POLD1: variants seen among roughly 807,000 people sequenced by gnomAD.
POLD1 encodes the protein DNA polymerase delta 1, catalytic subunit.
POLD1 carries 79 observed loss-of-function variants against 129.7 expected under a neutral mutation model. The ratio of observed to expected loss-of-function variants is 0.61; its 90% CI spans 0.51 to 0.73. The LOEUF (loss-of-function observed/expected upper bound fraction) is 0.73, where lower values mean the gene tolerates loss of function less well. POLD1 is among the 30% of genes least tolerant of loss of function. POLD1 has a pLI of 0.00. For synonymous variants in POLD1, 714 were observed against 683.3 expected, an observed-to-expected ratio of 1.04 and a Z score of -0.70; for missense variants, 1,338 against 1,595.8, an observed-to-expected ratio of 0.84 and a Z score of 2.75.
Position 50,416,504 on chromosome 19 carries a change from G to A in POLD1, c.2929G>A (p.Gly977Ser), listed in dbSNP as rs1064794933. Residue 977 changes from glycine to serine, a missense_variant, in exon 23 of 27, where the codon GGC (glycine) becomes AGC (serine). Around this residue, in one of 3 missense-constraint regions of POLD1, gnomAD observed 286 missense variants for 277.5 expected, o/e 1.03. Coordinates refer to ENST00000440232, the MANE Select transcript of POLD1 (RefSeq NM_002691.4). ...LRIFEPILGE[G>S]RAEAVLLRGD... ...CATCTTCGAGCCCATCCTGGGCGAGGGCCGTGCCGAGGCTGTGCTACTGCG... is the reference window on the plus strand; with the variant it reads ...CATCTTCGAGCCCATCCTGGGCGAGAGCCGTGCCGAGGCTGTGCTACTGCG... 6.4e-7 allele frequency: 1 copy of A among 1,552,514 alleles called. No homozygotes were observed. Among genetic ancestry groups the A allele is most frequent in the Non-Finnish European group, 8.7e-7 (1 of 1,149,224 alleles).
At chr19:50,388,975 G>T (rs1298225966) in intron 1 of POLD1, among the ~76,000 whole-genome samples, 1 of 151,584 alleles carries the variant, frequency 6.6e-6, no homozygotes, top group Non-Finnish European at 1.5e-5. Flanking sequence ...TGGGACTATA[G>T]GCGCGCACCA....
rs1244565898 is a variant in POLD1 at position 50,415,460 on chromosome 19, C to T, written c.2587C>T (p.His863Tyr). 1.9e-6 allele frequency: 3 copies of T among 1,612,840 alleles called. No homozygotes were observed. Among genetic ancestry groups the T allele is most frequent in the African/African-American group, 2.7e-5 (2 of 74,920 alleles). The change falls in exon 21 of 27, where the codon CAC becomes TAC. Residue 863 changes from histidine to tyrosine, a missense_variant. Around this residue, in one of 3 missense-constraint regions of POLD1, gnomAD observed 720 missense variants for 1,002.6 expected, o/e 0.72. Coordinates refer to ENST00000440232, the MANE Select transcript of POLD1 (RefSeq NM_002691.4). Reference sequence around the variant, plus strand: ...CAGAGACCCTGAGGGCGCGGTGGCTCACGCACAGGACGTCATCTCGGACCT... The same window carrying T: ...CAGAGACCCTGAGGGCGCGGTGGCTTACGCACAGGACGTCATCTCGGACCT... Reference protein sequence around the residue: ...IDRDPEGAVAHAQDVISDLLC... With the variant: ...IDRDPEGAVAYAQDVISDLLC...
At chr19:50,402,971 CG>C in intron 8 of POLD1, 81 bp from the exon 9 acceptor site, 2 of 1,507,184 alleles carry the variant, frequency 1.3e-6, no homozygotes, top group South Asian at 2.4e-5. Context: ...GGGACAGCCC[CG>C]GGGAGATGGC....
rs376289049 is a variant in POLD1 at position 50,409,686 on chromosome 19, G to T, written c.2154+20G>T. The T allele has an allele frequency of 2.0e-5, 32 of 1,583,714 alleles. No homozygotes were observed. Among genetic ancestry groups the T allele is most frequent in the Non-Finnish European group, 2.7e-5 (31 of 1,162,100 alleles). On this transcript the variant is annotated intron_variant, in intron 17 of 26. Coordinates refer to ENST00000440232, the MANE Select transcript of POLD1 (RefSeq NM_002691.4). This position sits in a 1 kb window ranked among gnomAD's most constrained non-coding sequence, Gnocchi z 5.8. The stretch of plus-strand genomic sequence containing the variant: ...TCACAGGTGGGCACTCGGGCCCCTG[G>T]AAGGCAACTGGGGGCAGGTGGGCCC...
Position 50,403,628 on chromosome 19 carries a change from C to T in POLD1, c.1242+31C>T, listed in dbSNP as rs760998589. On this transcript the variant is annotated intron_variant, in intron 10 of 26. Transcript: ENST00000440232. Reference sequence around the variant, plus strand: ...GGCTGGGCAGGTGGGAGGCTTCTCTCAGATGCCCCAGGTGTGGCCTCCGGG... The same window carrying T: ...GGCTGGGCAGGTGGGAGGCTTCTCTTAGATGCCCCAGGTGTGGCCTCCGGG... The T allele has an allele frequency of 2.4e-5, 34 of 1,414,156 alleles. No individual in the cohort carries two copies. The South Asian group carries it at 2.8e-4, about 11-fold the overall frequency. 87.6% of individuals were successfully genotyped at this position (1,414,156 alleles called of 1,614,324 possible).
intron 17 of POLD1, among the ~76,000 whole-genome samples, chr19:50,411,257 G>A (rs897287136): frequency 6.6e-6 from 1 of 152,160 alleles, no homozygotes; most frequent in Non-Finnish European, 1.5e-5. Flanking sequence ...AAAGTGAATC[G>A]CTCACTGCAT....
At chr19:50,413,933 G>A (rs2122453790) in intron 19 of POLD1, 54 bp downstream of exon 19, 1 of 1,510,392 alleles carries the variant, frequency 6.6e-7, no homozygotes. Flanking sequence ...AGGGTACTCA[G>A]GGTGTCCCGT....
chr19:50,386,834 A>T (rs1164555279), intron 1 of POLD1, among the ~76,000 whole-genome samples: 2 of 152,206 alleles, frequency 1.3e-5, no homozygotes, highest in African/African-American at 4.8e-5. Flanking sequence ...GGCCTAGGGG[A>T]AGGACAAGGC....
rs201208120 is a variant in POLD1 at position 50,407,114 on chromosome 19, C to T, written c.1626C>T (p.Pro542=). Residue 542 remains proline (P), a synonymous_variant, in exon 13 of 27, where the codon CCC becomes CCT. Coordinates refer to ENST00000440232, the MANE Select transcript of POLD1 (RefSeq NM_002691.4). ...AGATGGCGAGGGTCACTGGCGTGCC[C>T]CTCAGCTACCTGCTCAGTCGTGGCC... ...AVEMARVTGV[P]LSYLLSRGQQ... The T allele has an allele frequency of 8.8e-5, 142 of 1,613,570 alleles. No individual in the cohort carries two copies. The highest frequency in any genetic ancestry group is 1.1e-4 in the Non-Finnish European group (127 of 1,179,976).
intron 26 of POLD1, 71 bp from the exon 27 acceptor site, chr19:50,417,771 C>T (rs2039384370): frequency 1.1e-6 from 1 of 947,110 alleles, no homozygotes; most frequent in East Asian, 2.6e-5. Context: ...CTGGGAACAG[C>T]CCCCACCCCT....
chr19:50,416,875 G>GTCC, intron 24 of POLD1, 152 bp downstream of exon 24: 1 of 959,748 alleles, frequency 1.0e-6, no homozygotes, highest in Middle Eastern at 3.3e-4. Flanking sequence ...CCCACAGAGG[G>GTCC]TCCTCGGCCC....
intron 25 of POLD1, 26 bp downstream of exon 25, chr19:50,417,123 GGCCAGGTGGGGAGGC>G: frequency 6.4e-7 from 1 of 1,569,828 alleles, no homozygotes; most frequent in South Asian, 1.2e-5. Flanking sequence ...GGTGAGGAGG[GGCCAGGTGGGGAGGC>G]GGGGGCGCCC....
chr19:50,415,423 C>G lies in POLD1; in HGVS notation c.2565-15C>G, dbSNP rs777857423. ...AGTGCCTTTTGGTGACGCTGTGCGG[C>G]CCGCTCTCCTACAGAGACCCTGAGG... On this transcript the variant is annotated splice_polypyrimidine_tract_variant and intron_variant, in intron 20 of 26. Transcript: ENST00000440232. 1 of 1,604,740 alleles carries G rather than the reference C, an allele frequency of 6.2e-7. No individual in the cohort carries two copies. The highest frequency in any genetic ancestry group is 8.5e-7 in the Non-Finnish European group (1 of 1,174,062).
chr19:50,401,284 A>C (rs1428083940), intron 3 of POLD1, among the ~76,000 whole-genome samples: 1 of 144,094 alleles, frequency 6.9e-6, no homozygotes, highest in Non-Finnish European at 1.5e-5. Flanking sequence ...TTTATGTATA[A>C]CATATATTAT....
At position 50,401,823 on chromosome 19, in the gene POLD1, C is replaced by G; in HGVS notation, c.362C>G (p.Ser121Cys). 1 of 1,613,750 alleles carries G rather than the reference C, an allele frequency of 6.2e-7. No homozygotes were observed. The highest frequency in any genetic ancestry group is 8.5e-7 in the Non-Finnish European group (1 of 1,179,902). Residue 121 changes from serine to cysteine, a missense_variant, in exon 4 of 27, where the codon TCC becomes TGC. By Grantham distance (112) the Ser-to-Cys change is moderately radical. This residue lies in a region of POLD1 where 332 missense variants were observed against 315.7 expected (regional missense o/e 1.05). Coordinates refer to ENST00000440232, the MANE Select transcript of POLD1 (RefSeq NM_002691.4). ...GGGGGGCCCCCACCATCCCGCGGCTCCGTGCCTGTGCTCCGCGCCTTCGGG... is the reference window on the plus strand; with the variant it reads ...GGGGGGCCCCCACCATCCCGCGGCTGCGTGCCTGTGCTCCGCGCCTTCGGG... ...VPGGPPPSRG[S>C]VPVLRAFGVT...
chr19:50,402,268 G>A lies in POLD1; in HGVS notation c.653G>A (p.Arg218His), dbSNP rs150010804. The change falls in exon 6 of 27, where the codon CGC (arginine) becomes CAC (histidine). Residue 218 changes from arginine (R) to histidine (H), a missense_variant. Arg to His is a conservative substitution (Grantham distance 29). This residue lies in a region of POLD1 where 332 missense variants were observed against 315.7 expected (regional missense o/e 1.05). Transcript: ENST00000440232. ...CTGCGCATCACCGTGGCGCTGCCGC[G>A]CCTCGTGGCCCCGGCCCGCCGTCTC... ...PFLRITVALP[R>H]LVAPARRLLE... The A allele has an allele frequency of 4.9e-4, 782 of 1,604,992 alleles. 2 individuals are homozygous for A. The highest frequency in any genetic ancestry group is 4.6e-4 in the Non-Finnish European group (545 of 1,174,744).
At position 50,409,709 on chromosome 19, in the gene POLD1, C is replaced by T. The variant is rs1601228406; in HGVS notation, c.2154+43C>T. The T allele has an allele frequency of 1.3e-6, 2 of 1,562,116 alleles. No homozygotes were observed. Among genetic ancestry groups the T allele is most frequent in the African/African-American group, 2.7e-5 (2 of 73,720 alleles). ...TGGAAGGCAACTGGGGGCAGGTGGG[C>T]CCCCTGTGTAGGAGACCAGGGCTCC... On this transcript the variant is annotated intron_variant, in intron 17 of 26. Transcript: ENST00000440232. The surrounding 1 kb of genome is among the most constrained non-coding windows in gnomAD (Gnocchi z 5.8).
intron 3 of POLD1, among the ~76,000 whole-genome samples, chr19:50,401,391 A>ATTTTTTTTTTTT (rs1203165864): frequency 9.1e-5 from 6 of 65,990 alleles, no homozygotes; most frequent in Non-Finnish European, 1.3e-4. Context: ...ATATATATAT[A>ATTTTTTTTTTTT]TTTTTTTTTT....
Position 50,407,317 on chromosome 19 carries a change from C to T in POLD1, c.1687-10C>T, listed in dbSNP as rs1555791489. On this transcript the variant is annotated splice_polypyrimidine_tract_variant and intron_variant, in intron 13 of 26. Coordinates refer to ENST00000440232, the MANE Select transcript of POLD1 (RefSeq NM_002691.4). ...ATACCCACTCCATTTCCCACCTTCT[C>T]CCCTCCCAGGCCATGCACGAGGGGC... is the stretch of plus-strand genomic sequence containing the variant. 1 of 1,610,028 alleles carries T rather than the reference C, an allele frequency of 6.2e-7. No homozygotes were observed. The highest frequency in any genetic ancestry group is 8.5e-7 in the Non-Finnish European group (1 of 1,177,444).
Sources: allele counts gnomAD v4.1 joint callset (sites outside exome capture counted in the v4.1 genomes callset), GRCh38; gene constraint gnomAD v4.1.1; regional missense constraint gnomAD v4.1.1; non-coding constraint Gnocchi (gnomAD v3.1); transcripts MANE v1.5; gene names NCBI Gene and HGNC (gene_info 2026-07-23, HGNC 2026-07-21).